FGGY: variants seen among roughly 807,000 people sequenced by gnomAD.
The protein encoded by FGGY is FGGY carbohydrate kinase domain containing.
A neutral mutation model predicts 71.3 loss-of-function variants in FGGY; 72 were observed. The observed-to-expected ratio is 1.01, with a 90% CI of 0.84 to 1.23. FGGY has a LOEUF of 1.23. Among genes scored for constraint, FGGY ranks in the 50% most tolerant of loss-of-function variants. The pLI is 0.00. For missense variants in FGGY, 668 were observed against 682.3 expected (o/e 0.98, Z 0.23); for synonymous variants, 251 against 250.3 (o/e 1.00, Z -0.02).
intron 14 of FGGY, among the ~76,000 whole-genome samples, chr1:59,742,004 T>A (rs558032161): frequency 6.6e-6 from 1 of 150,986 alleles, no homozygotes; most frequent in African/African-American, 2.4e-5. Flanking sequence ...CTCAGGAGGC[T>A]GAGGCCAGAG....
At chr1:59,418,997 A>G (rs762334346) in intron 5 of FGGY, among the ~76,000 whole-genome samples, 8 of 152,180 alleles carry the variant, frequency 5.3e-5, no homozygotes, top group Non-Finnish European at 1.0e-4. Flanking sequence ...ACTGAAATAA[A>G]GAGAATGGTA....
intron 6 of FGGY, among the ~76,000 whole-genome samples, chr1:59,482,167 G>A (rs2093494591): frequency 6.6e-6 from 1 of 152,014 alleles, no homozygotes; most frequent in Non-Finnish European, 1.5e-5. Context: ...ACAGACTAAG[G>A]GTTATATATC....
At chr1:59,665,160 A>G (rs774590343) in intron 12 of FGGY, among the ~76,000 whole-genome samples, 19 of 152,214 alleles carry the variant, frequency 1.2e-4, no homozygotes, top group Middle Eastern at 3.4e-3. Context: ...TTATAGTACT[A>G]TTTTGTATGT....
At chr1:59,565,346 G>A (rs747948532) in intron 8 of FGGY, among the ~76,000 whole-genome samples, 10 of 151,910 alleles carry the variant, frequency 6.6e-5, no homozygotes, top group African/African-American at 9.7e-5. Context: ...GTGCAGGTGC[G>A]CCATCTCGGC....
upstream of FGGY, chr1:59,296,538 T>G (rs1030234220): frequency 6.6e-6 from 1 of 152,378 alleles, no homozygotes; most frequent in Non-Finnish European, 1.5e-5. Flanking sequence ...CCTCCCGCCT[T>G]GCCCAGCCCT....
intron 2 of FGGY, among the ~76,000 whole-genome samples, chr1:59,338,887 T>C (rs1250854103): frequency 6.6e-6 from 1 of 152,202 alleles, no homozygotes; most frequent in East Asian, 1.9e-4. Context: ...TTAATTATAT[T>C]GTTAGAATAA....
At chr1:59,586,335 A>C (rs1195515196) in intron 8 of FGGY, among the ~76,000 whole-genome samples, 2 of 152,108 alleles carry the variant, frequency 1.3e-5, no homozygotes, top group Non-Finnish European at 2.9e-5. Context: ...CAGCCATAAA[A>C]AATGAGTTCA....
In FGGY at chr1:59,741,677, C is replaced by T. The variant is rs534570480; in HGVS notation, c.1513-16254C>T. Among the ~76,000 whole-genome samples, 9 of 152,154 alleles carry T rather than the reference C, an allele frequency of 5.9e-5. No individual in the cohort carries two copies. The South Asian group carries it at 1.0e-3, about 18-fold the overall frequency. Reference sequence around the variant, plus strand: ...TAAAAATTGCCAGGCGGGCGAGGCGCGGTGGCTGACACACTTTGGGAGGCC... The same window carrying T: ...TAAAAATTGCCAGGCGGGCGAGGCGTGGTGGCTGACACACTTTGGGAGGCC... On this transcript the variant is annotated intron_variant, in intron 14 of 15. Transcript: ENST00000303721.
intron 7 of FGGY, among the ~76,000 whole-genome samples, chr1:59,514,164 T>C (rs1403505272): frequency 1.3e-5 from 2 of 152,192 alleles, no homozygotes; most frequent in Admixed American, 6.5e-5. Context: ...CCCCTAGCAA[T>C]CCTGACATTC....
chr1:59,507,003 G>A lies in FGGY; in HGVS notation c.671-5308G>A, dbSNP rs190861843. On this transcript the variant is annotated intron_variant, in intron 6 of 15. Transcript: ENST00000303721. ...ACAGCTGTTAAAAGAAAACCTTTAG[G>A]CAAATTAAATTTAACAGTTTAACTG... 9.9e-5 allele frequency among the ~76,000 whole-genome samples: 15 copies of A among 152,114 alleles called. 1 individual carries two copies. Among genetic ancestry groups the A allele is most frequent in the African/African-American group, 3.4e-4 (14 of 41,474 alleles).
chr1:59,468,626 A>G (rs2153539677), intron 6 of FGGY, among the ~76,000 whole-genome samples: 1 of 152,292 alleles, frequency 6.6e-6, no homozygotes, highest in East Asian at 1.9e-4. Context: ...TAATCCCAGC[A>G]CTTTGGGAGG....
intron 6 of FGGY, among the ~76,000 whole-genome samples, chr1:59,500,967 G>T (rs1405757039): frequency 6.6e-6 from 1 of 152,102 alleles, no homozygotes; most frequent in African/African-American, 2.4e-5. Flanking sequence ...ATCATGTTTG[G>T]TCTACATGAT....
intron 14 of FGGY, among the ~76,000 whole-genome samples, chr1:59,743,960 C>A (rs2098172053): frequency 6.6e-6 from 1 of 152,218 alleles, no homozygotes; most frequent in Non-Finnish European, 1.5e-5. Flanking sequence ...ATGTCACATG[C>A]AGCAGCAGAT....
At chr1:59,618,201 T>C (rs2096775454) in intron 9 of FGGY, among the ~76,000 whole-genome samples, 1 of 152,104 alleles carries the variant, frequency 6.6e-6, no homozygotes, top group Admixed American at 6.6e-5. Context: ...AAATAGATAG[T>C]ACAATCACTA....
At chr1:59,400,964 A>G (rs1305774177) in intron 5 of FGGY, among the ~76,000 whole-genome samples, 1 of 152,006 alleles carries the variant, frequency 6.6e-6, no homozygotes, top group Non-Finnish European at 1.5e-5. Flanking sequence ...ATTATTTTAT[A>G]TATGTTATGA....
intron 6 of FGGY, among the ~76,000 whole-genome samples, chr1:59,472,471 C>T (rs902765303): frequency 2.6e-5 from 4 of 152,298 alleles, no homozygotes; most frequent in South Asian, 4.1e-4. Flanking sequence ...GGAATGCGGG[C>T]GCACGGCGCG....
chr1:59,406,095 A>G (rs2062694877), intron 5 of FGGY, among the ~76,000 whole-genome samples: 1 of 151,836 alleles, frequency 6.6e-6, no homozygotes, highest in African/African-American at 2.4e-5. Context: ...AGCTTTTTTA[A>G]GCCTGTTAAT....
chr1:59,350,324 G>A (rs892103439), intron 4 of FGGY, among the ~76,000 whole-genome samples: 1 of 152,106 alleles, frequency 6.6e-6, no homozygotes, highest in African/African-American at 2.4e-5. Context: ...GGAATGGGGT[G>A]GATGCAGGAG....
intron 14 of FGGY, chr1:59,699,407 T>A (rs553737541): frequency 5.7e-5 from 56 of 985,268 alleles, no homozygotes; most frequent in Non-Finnish European, 6.6e-5. Context: ...GGTTCAGGCT[T>A]CTGTTAGTTT....
Sources: allele counts gnomAD v4.1 joint callset (sites outside exome capture counted in the v4.1 genomes callset), GRCh38; gene constraint gnomAD v4.1.1; transcripts MANE v1.5; gene names NCBI Gene and HGNC (gene_info 2026-07-23, HGNC 2026-07-21).